The following PI4KB variants were observed in gnomAD, a reference collection of about 807,000 sequenced individuals.
The protein encoded by PI4KB is phosphatidylinositol 4-kinase beta.
PI4KB carries 23 observed loss-of-function variants against 81.4 expected under a neutral mutation model. The observed-to-expected ratio is 0.28, with a 90% CI of 0.20 to 0.40. PI4KB has a LOEUF of 0.40. Among genes scored for constraint, PI4KB ranks in the 10% least tolerant of loss-of-function variants. The pLI, the probability that PI4KB is intolerant of heterozygous loss-of-function variation, is 1.00. For synonymous variants in PI4KB, 381 were observed against 406.8 expected (o/e 0.94, Z 0.76); for missense variants, 651 against 1,036.6 (o/e 0.63, Z 5.11).
chr1:151,308,200 T>C (rs922688653), intron 3 of PI4KB, among the ~76,000 whole-genome samples: 5 of 152,102 alleles, frequency 3.3e-5, no homozygotes, highest in African/African-American at 9.7e-5. Context: ...AAGAACAGGG[T>C]TGTCCTTCTC....
intron 5 of PI4KB, among the ~76,000 whole-genome samples, chr1:151,304,199 T>C (rs1695537764): frequency 2.6e-5 from 4 of 152,222 alleles, no homozygotes; most frequent in African/African-American, 9.6e-5. Flanking sequence ...CCAGAGCATT[T>C]CTTCTCAACT....
At chr1:151,301,599 G>A (rs915336822) in intron 8 of PI4KB, among the ~76,000 whole-genome samples, 6 of 151,962 alleles carry the variant, frequency 3.9e-5, no homozygotes, top group African/African-American at 7.2e-5. Flanking sequence ...GGGTTTCACC[G>A]TGTTAGCCAG....
At chr1:151,296,651 G>A (rs1013705427) in intron 9 of PI4KB, among the ~76,000 whole-genome samples, 2 of 150,946 alleles carry the variant, frequency 1.3e-5, no homozygotes, top group African/African-American at 4.9e-5. Flanking sequence ...TTTATTTTTA[G>A]TAGAGATGGG....
At chr1:151,304,589 C>T (rs1695589871) in intron 5 of PI4KB, among the ~76,000 whole-genome samples, 1 of 151,962 alleles carries the variant, frequency 6.6e-6, no homozygotes, top group South Asian at 2.1e-4. Context: ...AGGTGATCTG[C>T]CCACCTCAGC....
At chr1:151,302,364 C>G (rs1695356115) in intron 6 of PI4KB, 66 bp from the exon 7 acceptor site, 4 of 1,053,832 alleles carry the variant, frequency 3.8e-6, no homozygotes, top group Admixed American at 3.4e-5. Flanking sequence ...CCAGTCTATA[C>G]TGACATTTCC....
Position 151,303,534 on chromosome 1 carries a change from G to C in PI4KB, c.1520+7C>G, listed in dbSNP as rs1409421037. On this transcript the variant is annotated splice_region_variant and intron_variant, in intron 6 of 11. Coordinates refer to ENST00000368873, the MANE Select transcript of PI4KB (RefSeq NM_001369623.2). Reference sequence around the variant, plus strand: ...GAAAAATGAGGGGCAATGTGATCTGGCCATACCGGATGTCCCCTGCTGCAA... The same window carrying C: ...GAAAAATGAGGGGCAATGTGATCTGCCCATACCGGATGTCCCCTGCTGCAA... The C allele has an allele frequency of 6.4e-7, 1 of 1,558,224 alleles. No homozygotes were observed. The highest frequency in any genetic ancestry group is 8.9e-7 in the Non-Finnish European group (1 of 1,128,962).
At chr1:151,306,098 T>A in intron 5 of PI4KB, 38 bp downstream of exon 5, 1 of 1,521,456 alleles carries the variant, frequency 6.6e-7, no homozygotes, top group Non-Finnish European at 9.1e-7. Flanking sequence ...TGGAGAAAGC[T>A]CCTGTGACCC....
chr1:151,311,170 C>A (rs1240549506), intron 2 of PI4KB, among the ~76,000 whole-genome samples: 1 of 152,236 alleles, frequency 6.6e-6, no homozygotes, highest in Non-Finnish European at 1.5e-5. Flanking sequence ...TGAGGCAACA[C>A]TCATGCACAG....
In PI4KB at chr1:151,292,789, C is replaced by G; in HGVS notation, c.*63G>C. The G allele has an allele frequency of 6.7e-7, 1 of 1,488,932 alleles. No homozygotes were observed. The highest frequency in any genetic ancestry group is 2.0e-5 in the Admixed American group (1 of 49,802). 92.2% of individuals were successfully genotyped at this position (1,488,932 alleles called of 1,614,324 possible). On this transcript the variant is annotated 3_prime_UTR_variant, in exon 12 of 12. Transcript: ENST00000368873. ...TGGGGTTTCCTGGTTTGGGGTTTCT[C>G]AGACAAGGGCCCTCTAGGGAGGGTG...
intron 6 of PI4KB, 115 bp downstream of exon 6, chr1:151,303,426 A>C (rs1357000987): frequency 1.3e-6 from 1 of 755,470 alleles, no homozygotes; most frequent in Non-Finnish European, 2.4e-6. Context: ...ACAGAATGAA[A>C]GAGGGAAAGA....
chr1:151,301,521 C>A (rs899425781), intron 8 of PI4KB, among the ~76,000 whole-genome samples: 1 of 152,240 alleles, frequency 6.6e-6, no homozygotes, highest in Non-Finnish European at 1.5e-5. Context: ...CCTCAGCCTC[C>A]GGAGTAGCTG....
At chr1:151,325,816 T>C (rs1182235555) in intron 1 of PI4KB, among the ~76,000 whole-genome samples, 1 of 152,190 alleles carries the variant, frequency 6.6e-6, no homozygotes, top group East Asian at 1.9e-4. Context: ...AAACCAAATC[T>C]GATTTTTTCC....
At chr1:151,327,529 A>C (rs1305825423), upstream of PI4KB, 6 of 392,568 alleles carry the variant, frequency 1.5e-5, no homozygotes, top group Non-Finnish European at 2.2e-5. Context: ...AAAATAATAA[A>C]ATAAAATAAA....
intron 1 of PI4KB, among the ~76,000 whole-genome samples, chr1:151,321,624 A>G (rs939148845): frequency 6.6e-6 from 1 of 151,978 alleles, no homozygotes; most frequent in Non-Finnish European, 1.5e-5. Context: ...CTGTAATCCC[A>G]GCACTTTGGG....
chr1:151,317,986 A>T (rs563465491), intron 1 of PI4KB, among the ~76,000 whole-genome samples: 68 of 151,358 alleles, frequency 4.5e-4, no homozygotes, highest in Admixed American at 1.2e-3. Flanking sequence ...TTAAAAAAAA[A>T]TTTTTTTGTG....
At chr1:151,323,309 A>G (rs1409877841) in intron 1 of PI4KB, among the ~76,000 whole-genome samples, 2 of 152,092 alleles carry the variant, frequency 1.3e-5, no homozygotes, top group East Asian at 3.9e-4. Context: ...CTTTGTGACC[A>G]GCCTGGCCAA....
At chr1:151,311,586 G>A (rs923122830) in intron 2 of PI4KB, among the ~76,000 whole-genome samples, 1 of 152,188 alleles carries the variant, frequency 6.6e-6, no homozygotes, top group African/African-American at 2.4e-5. Context: ...ATGAATTAGT[G>A]GTTCTATTTC....
chr1:151,294,220 C>T (rs1387625119), intron 10 of PI4KB, 82 bp from the exon 11 acceptor site: 1 of 1,539,316 alleles, frequency 6.5e-7, no homozygotes, highest in Non-Finnish European at 8.8e-7. Flanking sequence ...ACCAGAACTC[C>T]TCCTCCTCTT....
At position 151,315,787 on chromosome 1, in the gene PI4KB, C is replaced by A. The variant is rs370367124; in HGVS notation, c.695G>T (p.Arg232Leu). ...DMHISTQRHSRGTKLRKLILS... is the reference protein window; with the variant it reads ...DMHISTQRHSLGTKLRKLILS... The stretch of plus-strand genomic sequence containing the variant: ...GATCAGCTTCCGTAGCTTGGTCCCA[C>A]GGGAGTGTCGTTGAGTGGAAATGTG... The change falls in exon 2 of 12, where the codon CGT becomes CTT. Residue 232 changes from arginine (R) to leucine (L), a missense_variant. Physicochemically the swap from Arg to Leu is moderately radical, Grantham distance 102. This residue lies in a region of PI4KB where 314 missense variants were observed against 397.8 expected (regional missense o/e 0.79). Transcript: ENST00000368873. 1.2e-6 allele frequency: 2 copies of A among 1,612,352 alleles called. No individual in the cohort carries two copies. Among genetic ancestry groups the A allele is most frequent in the East Asian group, 2.2e-5 (1 of 44,862 alleles).
Sources: gnomAD v4.1 joint callset for allele counts (sites outside exome capture counted in the v4.1 genomes callset) on GRCh38, gnomAD v4.1.1 for gene constraint, gnomAD v4.1.1 regional missense constraint, MANE v1.5 for transcripts, NCBI Gene and HGNC (gene_info 2026-07-23, HGNC 2026-07-21) for gene names.